GAD1: variants seen among roughly 807,000 people sequenced by gnomAD.
GAD1 encodes glutamate decarboxylase 1.
A neutral mutation model predicts 75.2 loss-of-function variants in GAD1; 35 were observed. That is an observed-to-expected ratio of 0.47 (90% CI 0.36 to 0.62). GAD1 has a LOEUF of 0.62. Among genes scored for constraint, GAD1 ranks in the 20% least tolerant of loss-of-function variants. The pLI, the probability that GAD1 is intolerant of heterozygous loss-of-function variation, is 0.00. For synonymous variants in GAD1, 257 were observed against 271.9 expected, an observed-to-expected ratio of 0.95 and a Z score of 0.54; for missense variants, 490 against 758.5, an observed-to-expected ratio of 0.65 and a Z score of 4.16.
At chr2:170,828,633 G>A (rs1333993519) in intron 3 of GAD1, among the ~76,000 whole-genome samples, 2 of 84,562 alleles carry the variant, frequency 2.4e-5, no homozygotes, top group Non-Finnish European at 5.3e-5. Context: ...TCCTCCCTCT[G>A]CTGTCCTCAC....
chr2:170,849,102 G>T (rs2105803770), intron 11 of GAD1, 184 bp from the exon 12 acceptor site: 1 of 674,096 alleles, frequency 1.5e-6, no homozygotes. Flanking sequence ...CTTTGAAAAA[G>T]AAATGACAAG....
In GAD1 at chr2:170,856,027, G is replaced by A. The variant is rs2105812427; in HGVS notation, c.1414-991G>A. Among the ~76,000 whole-genome samples the A allele has an allele frequency of 1.3e-5, 2 of 152,158 alleles. 1 individual carries two copies. The highest frequency in any genetic ancestry group is 2.9e-5 in the Non-Finnish European group (2 of 68,008). ...TCTTGAACCATCTGCTGCAGGTTTT[G>A]ACCATAGTGATTGGTTGCTGAAATG... On this transcript the variant is annotated intron_variant, in intron 14 of 16. Transcript: ENST00000358196.
At chr2:170,839,613 C>T (rs1182780721) in intron 6 of GAD1, among the ~76,000 whole-genome samples, 1 of 101,836 alleles carries the variant, frequency 9.8e-6, no homozygotes, top group Non-Finnish European at 2.1e-5. Context: ...GACTCCATCT[C>T]AAAAAAAAAA....
intron 5 of GAD1, among the ~76,000 whole-genome samples, chr2:170,831,527 G>A (rs1702223462): frequency 6.6e-6 from 1 of 150,984 alleles, no homozygotes; most frequent in East Asian, 1.9e-4. Context: ...GGCCAAGGTG[G>A]GCAGAACACT....
At chr2:170,828,161 TGCTGTCCTCGC>T (rs1702077322) in intron 3 of GAD1, among the ~76,000 whole-genome samples, 1 of 115,514 alleles carries the variant, frequency 8.7e-6, no homozygotes, top group Admixed American at 8.8e-5. Context: ...CTCCTCCCTC[TGCTGTCCTCGC>T]CCTCCTCTCT....
chr2:170,826,986 A>G (rs528355501), intron 3 of GAD1, among the ~76,000 whole-genome samples: 1 of 152,320 alleles, frequency 6.6e-6, no homozygotes, highest in Non-Finnish European at 1.5e-5. Context: ...AAAAGGATAC[A>G]ATCCCATCTT....
chr2:170,859,098 T>G (rs1702910725), intron 16 of GAD1, among the ~76,000 whole-genome samples: 2 of 152,198 alleles, frequency 1.3e-5, no homozygotes, highest in African/African-American at 4.8e-5. Flanking sequence ...CCACGGGAAC[T>G]TCTAAAGGAT....
At chr2:170,822,425 C>T (rs757722705) in intron 3 of GAD1, among the ~76,000 whole-genome samples, 1 of 152,206 alleles carries the variant, frequency 6.6e-6, no homozygotes, top group Admixed American at 6.5e-5. Context: ...GGCGCAGAAG[C>T]GGGAGGAAAG....
At chr2:170,848,699 A>T (rs375819554) in intron 11 of GAD1, 1 of 518,458 alleles carries the variant, frequency 1.9e-6, no homozygotes, top group African/African-American at 1.9e-5. Flanking sequence ...AACTTCTCAC[A>T]ATTGGCCAAT....
At chr2:170,858,926 C>G (rs933904469) in intron 16 of GAD1, 33 bp downstream of exon 16, 1 of 1,564,272 alleles carries the variant, frequency 6.4e-7, no homozygotes, top group African/African-American at 1.4e-5. Context: ...ATCTAATCCT[C>G]TGCAATTTCT....
intron 4 of GAD1, among the ~76,000 whole-genome samples, chr2:170,830,205 T>A (rs549953003): frequency 6.6e-6 from 1 of 152,044 alleles, no homozygotes; most frequent in African/African-American, 2.4e-5. Flanking sequence ...CAGACCAGAG[T>A]ATTAAACAAT....
chr2:170,845,686 C>G lies in GAD1; in HGVS notation c.868-20C>G, dbSNP rs1359199805. The G allele has an allele frequency of 3.0e-5, 49 of 1,613,680 alleles. No individual in the cohort carries two copies. The highest frequency in any genetic ancestry group is 4.1e-5 in the Non-Finnish European group (48 of 1,179,728). ...TAGGGGACTTTCCAACTTCTAACCT[C>G]GAGCCTCTGTTTGTTGCAGAGTCAC... On this transcript the variant is annotated intron_variant, in intron 8 of 16. Coordinates refer to ENST00000358196, the MANE Select transcript of GAD1 (RefSeq NM_000817.3).
intron 10 of GAD1, among the ~76,000 whole-genome samples, chr2:170,847,189 T>C (rs1702651099): frequency 6.6e-6 from 1 of 152,216 alleles, no homozygotes; most frequent in Non-Finnish European, 1.5e-5. Flanking sequence ...TCAGTATAAT[T>C]ATTATATCAA....
chr2:170,853,181 C>A lies in GAD1; in HGVS notation c.1263+389C>A. The A allele has an allele frequency of 3.7e-6, 1 of 271,198 alleles. No individual in the cohort carries two copies. The highest frequency in any genetic ancestry group is 7.2e-6 in the Non-Finnish European group (1 of 139,542). 16.8% of individuals were successfully genotyped at this position (271,198 alleles called of 1,614,324 possible). ...GAGTTCTTAGTATAAACGTGTGGTC[C>A]CAAGAACTGAAATAAATGAGACAGA... On this transcript the variant is annotated intron_variant, in intron 13 of 16. Transcript: ENST00000358196. The surrounding 1 kb of genome is among the most constrained non-coding windows in gnomAD (Gnocchi z 4.1).
intron 6 of GAD1, chr2:170,843,793 G>A: frequency 4.0e-6 from 2 of 494,298 alleles, no homozygotes. Flanking sequence ...ATTCCATTCA[G>A]ATAAGAATCT....
In GAD1 at chr2:170,835,779, A is replaced by G. The variant is rs145393417; in HGVS notation, c.548-1014A>G. On this transcript the variant is annotated intron_variant, in intron 5 of 16. Transcript: ENST00000358196. ...ATATATTTTAATGGCTTTCAATACA[A>G]TGTGTTGTTTCAAAAGACCTCAGAT... Among the ~76,000 whole-genome samples, 3 of 152,342 alleles carry G rather than the reference A, an allele frequency of 2.0e-5. 1 individual carries two copies. The East Asian group carries it at 5.8e-4, about 29-fold the overall frequency.
chr2:170,815,245 C>A (rs181288727), upstream of GAD1, among the ~76,000 whole-genome samples: 3 of 152,334 alleles, frequency 2.0e-5, no homozygotes, highest in Admixed American at 2.0e-4. Flanking sequence ...CCCAGCCTGT[C>A]CAGCCCCAAG....
rs1575445923 is a variant in GAD1 at position 170,853,520 on chromosome 2, G to A, written c.1264-353G>A. On this transcript the variant is annotated intron_variant, in intron 13 of 16. Coordinates refer to ENST00000358196, the MANE Select transcript of GAD1 (RefSeq NM_000817.3). The surrounding 1 kb of genome is among the most constrained non-coding windows in gnomAD (Gnocchi z 4.1). ...TGGAGAGAAAAATTCTTCACAGCATGAAACTATCCCACCCACTGAGGAATT... is the reference window on the plus strand; with the variant it reads ...TGGAGAGAAAAATTCTTCACAGCATAAAACTATCCCACCCACTGAGGAATT... The A allele has an allele frequency of 3.3e-6, 1 of 300,900 alleles. No homozygotes were observed. The highest frequency in any genetic ancestry group is 3.6e-5 in the South Asian group (1 of 27,704). 18.6% of individuals were successfully genotyped at this position (300,900 alleles called of 1,614,324 possible). A position where few individuals can be genotyped will look rare whatever the true frequency, so the allele number is the denominator to read the frequency against.
intron 15 of GAD1, 126 bp downstream of exon 15, chr2:170,857,251 T>C: frequency 2.9e-6 from 2 of 686,726 alleles, no homozygotes; most frequent in Non-Finnish European, 5.2e-6. Context: ...AAATTTTTAT[T>C]CTTATACACT....
Sources: allele counts gnomAD v4.1 joint callset (sites outside exome capture counted in the v4.1 genomes callset), GRCh38; gene constraint gnomAD v4.1.1; non-coding constraint Gnocchi (gnomAD v3.1); transcripts MANE v1.5; gene names NCBI Gene and HGNC (gene_info 2026-07-23, HGNC 2026-07-21).